Variants in OPRM1 observed in about 807,000 individuals in gnomAD.
OPRM1 encodes mu-type opioid receptor.
A neutral mutation model predicts 31.8 loss-of-function variants in OPRM1; 27 were observed. The observed-to-expected ratio is 0.85, with a 90% CI of 0.63 to 1.17. OPRM1 has a LOEUF of 1.17. OPRM1 is among the 50% of genes most tolerant of loss of function. The pLI, the probability that OPRM1 is intolerant of heterozygous loss-of-function variation, is 0.00. For missense variants in OPRM1, 536 were observed against 511.1 expected, an observed-to-expected ratio of 1.05 and a Z score of -0.47; for synonymous variants, 196 against 189.9, an observed-to-expected ratio of 1.03 and a Z score of -0.26.
At chr6:154,099,383 AAGAG>A (rs1417043322) in intron 3 of OPRM1, among the ~76,000 whole-genome samples, 1 of 142,206 alleles carries the variant, frequency 7.0e-6, no homozygotes, top group South Asian at 2.5e-4. Flanking sequence ...AAGAGAAAGA[AAGAG>A]AAAGAAAGAA....
At chr6:154,115,728 CTG>C (rs1796799470) in intron 3 of OPRM1, among the ~76,000 whole-genome samples, 1 of 152,222 alleles carries the variant, frequency 6.6e-6, no homozygotes, top group South Asian at 2.1e-4. Context: ...AGGGGGTGAT[CTG>C]CCCTGGGGCA....
chr6:154,071,194 A>G (rs1421018867), intron 1 of OPRM1, among the ~76,000 whole-genome samples: 1 of 152,216 alleles, frequency 6.6e-6, no homozygotes, highest in Non-Finnish European at 1.5e-5. Context: ...AGCTAAAGGC[A>G]CAGTGTGTAG....
At chr6:154,221,194 G>T in intron 3 of OPRM1, 2 of 1,156,732 alleles carry the variant, frequency 1.7e-6, no homozygotes, top group Non-Finnish European at 2.6e-6. Context: ...TAGAATTCCA[G>T]TACCAGGCTA....
chr6:154,214,765 A>C (rs887224858), intron 3 of OPRM1, among the ~76,000 whole-genome samples: 3 of 152,242 alleles, frequency 2.0e-5, no homozygotes, highest in Non-Finnish European at 4.4e-5. Context: ...GCTAGAATTT[A>C]ACAGGTATTT....
At chr6:154,146,139 C>A (rs1798352252) in intron 3 of OPRM1, among the ~76,000 whole-genome samples, 1 of 152,244 alleles carries the variant, frequency 6.6e-6, no homozygotes, top group South Asian at 2.1e-4. Flanking sequence ...GTGGCTCACG[C>A]CTGTAATCCC....
chr6:154,021,764 A>G (rs781522575), intron 1 of OPRM1, among the ~76,000 whole-genome samples: 2 of 152,182 alleles, frequency 1.3e-5, no homozygotes, highest in Non-Finnish European at 2.9e-5. Context: ...TGTTGCTGGC[A>G]TATAGGAAAG....
At chr6:154,109,782 C>T (rs1024680121) in intron 3 of OPRM1, among the ~76,000 whole-genome samples, 2 of 119,624 alleles carry the variant, frequency 1.7e-5, no homozygotes, top group African/African-American at 6.0e-5. Context: ...CTCTCTCTCT[C>T]TCTCTCTCTC....
At chr6:154,080,576 C>G (rs976175660) in intron 1 of OPRM1, among the ~76,000 whole-genome samples, 1 of 152,188 alleles carries the variant, frequency 6.6e-6, no homozygotes, top group African/African-American at 2.4e-5. Flanking sequence ...CTCCCTGTCT[C>G]GCTCCCTCTT....
chr6:154,185,861 C>T lies in OPRM1; in HGVS notation c.1165-60832C>T, dbSNP rs565929224. On this transcript the variant is annotated intron_variant, in intron 3 of 3. Coordinates refer to the OPRM1 transcript ENST00000337049. ...GGCCACATTCAAAGCTGTCCTGAGC[C>T]ACAAGTTGGATAAGCTTGTTTAATC... Among the ~76,000 whole-genome samples, 4 of 152,316 alleles carry T rather than the reference C, an allele frequency of 2.6e-5. No homozygotes were observed. The South Asian group carries it at 6.2e-4, about 24-fold the overall frequency.
chr6:154,116,584 CAAA>C (rs1293710740), intron 3 of OPRM1, among the ~76,000 whole-genome samples: 12 of 72,884 alleles, frequency 1.6e-4, no homozygotes, highest in Non-Finnish European at 1.8e-4. Context: ...GACTCTGCCT[CAAA>C]AAAAAAAAAA....
chr6:154,037,235 C>T (rs1317100263), upstream of OPRM1, among the ~76,000 whole-genome samples: 1 of 151,894 alleles, frequency 6.6e-6, no homozygotes, highest in East Asian at 1.9e-4. Flanking sequence ...CAGCTCCTAT[C>T]ACAGCACCTG....
chr6:154,092,656 C>A (rs1792547119), intron 3 of OPRM1, among the ~76,000 whole-genome samples: 1 of 152,220 alleles, frequency 6.6e-6, no homozygotes, highest in Non-Finnish European at 1.5e-5. Context: ...ACTGTCCCCT[C>A]TTTACCCCAC....
At chr6:154,107,617 G>C (rs1418139809) in intron 3 of OPRM1, 1 of 718,316 alleles carries the variant, frequency 1.4e-6, no homozygotes, top group African/African-American at 1.7e-5. Context: ...GATTTTTAGA[G>C]CTGACTATGA....
chr6:154,185,082 TCAAGTTAA>T (rs1356534676), intron 3 of OPRM1, among the ~76,000 whole-genome samples: 1 of 152,178 alleles, frequency 6.6e-6, no homozygotes, highest in African/African-American at 2.4e-5. Context: ...AGCTAGTCCT[TCAAGTTAA>T]AAAATATATC....
chr6:154,059,576 T>C (rs1784002411), intron 1 of OPRM1, among the ~76,000 whole-genome samples: 1 of 149,564 alleles, frequency 6.7e-6, no homozygotes, highest in Admixed American at 6.6e-5. Flanking sequence ...ATGATCCTTT[T>C]TTACACTTAA....
chr6:154,175,923 A>G (rs1394007372), intron 3 of OPRM1, among the ~76,000 whole-genome samples: 1 of 152,222 alleles, frequency 6.6e-6, no homozygotes, highest in Non-Finnish European at 1.5e-5. Flanking sequence ...AAAATCCTCA[A>G]TAAAATACTG....
intron 3 of OPRM1, among the ~76,000 whole-genome samples, chr6:154,152,347 G>GAAAAGAAA: frequency 1.7e-4 from 11 of 65,132 alleles, no homozygotes; most frequent in South Asian, 1.3e-3. Context: ...AAGAAAGAAA[G>GAAAAGAAA]GAAAGAAAGA....
intron 1 of OPRM1, among the ~76,000 whole-genome samples, chr6:154,021,654 T>C (rs1778371826): frequency 6.6e-6 from 1 of 152,224 alleles, no homozygotes; most frequent in Non-Finnish European, 1.5e-5. Flanking sequence ...AATTCCCTCA[T>C]AAAGGTCTTA....
rs1799634698 is a variant in OPRM1, at chr6:154,168,740, G to T, written c.1164+77268G>T. Reference sequence around the variant, plus strand: ...CCTGTCTCAGCCTCCCAAGTAGCTGGGATTACAGGCACCTGCCACCATGCC... The same window carrying T: ...CCTGTCTCAGCCTCCCAAGTAGCTGTGATTACAGGCACCTGCCACCATGCC... On this transcript the variant is annotated intron_variant, in intron 3 of 3. Transcript: ENST00000337049. This position sits in a 1 kb window ranked among gnomAD's most constrained non-coding sequence, Gnocchi z 4.1. Among the ~76,000 whole-genome samples the T allele has an allele frequency of 6.6e-6, 1 of 151,840 alleles. No homozygotes were observed. The highest frequency in any genetic ancestry group is 6.6e-5 in the Admixed American group (1 of 15,254).
Sources: allele counts gnomAD v4.1 joint callset (sites outside exome capture counted in the v4.1 genomes callset), GRCh38; gene constraint gnomAD v4.1.1; non-coding constraint Gnocchi (gnomAD v3.1); transcripts MANE v1.5; gene names NCBI Gene and HGNC (gene_info 2026-07-23, HGNC 2026-07-21).